FBXO40: variants seen among roughly 807,000 people sequenced by gnomAD.
FBXO40 encodes F-box protein 40.
FBXO40 carries 50 observed loss-of-function variants against 49.9 expected under a neutral mutation model. The observed-to-expected ratio is 1.00, with a 90% CI of 0.80 to 1.27. The LOEUF (loss-of-function observed/expected upper bound fraction) is 1.27. Among genes scored for constraint, FBXO40 ranks in the 50% most tolerant of loss-of-function variants. The pLI is 0.00. For missense variants in FBXO40, 895 were observed against 870.1 expected (o/e 1.03, Z -0.36); for synonymous variants, 340 against 320.2 (o/e 1.06, Z -0.66).
chr3:121,620,609 C>T lies in FBXO40; in HGVS notation c.3+31C>T, dbSNP rs763579365. On this transcript the variant is annotated intron_variant, in intron 2 of 3. Coordinates refer to ENST00000338040, the MANE Select transcript of FBXO40 (RefSeq NM_016298.4). ...CACCAGGAGCTTATTGAAGCTTCAC[C>T]ATTGAGAGGTCCAGGTCTTCCTTCA... The T allele has an allele frequency of 1.2e-5, 19 of 1,613,892 alleles. No individual in the cohort carries two copies. In the African/African-American group the frequency reaches 2.1e-4, roughly 18 times the overall value.
chr3:121,622,872 A>T lies in FBXO40; in HGVS notation c.1443A>T (p.Lys481Asn). ...SSSAFTFTCN[K>N]FFRRDEFPLH... Reference sequence around the variant, plus strand: ...CTGCCTTCACTTTCACTTGCAACAAATTCTTCAGGAGGGATGAGTTCCCCC... The same window carrying T: ...CTGCCTTCACTTTCACTTGCAACAATTTCTTCAGGAGGGATGAGTTCCCCC... Residue 481 changes from lysine (K) to asparagine (N), a missense_variant, in exon 3 of 4, where the codon AAA (lysine) becomes AAT (asparagine). Transcript: ENST00000338040. The T allele has an allele frequency of 6.2e-7, 1 of 1,614,164 alleles. No individual in the cohort carries two copies. The highest frequency in any genetic ancestry group is 8.5e-7 in the Non-Finnish European group (1 of 1,180,032).
Position 121,622,901 on chromosome 3 carries a change from A to C in FBXO40, c.1472A>C (p.His491Pro). ...TTCAGGAGGGATGAGTTCCCCCTGC[A>C]CTTCAAGAATGTCCACACAGACATT... ...KFFRRDEFPL[H>P]FKNVHTDIQS... Residue 491 changes from histidine (H) to proline (P), a missense_variant, in exon 3 of 4, where the codon CAC becomes CCC. Transcript: ENST00000338040. 6.2e-7 allele frequency: 1 copy of C among 1,614,190 alleles called. No homozygotes were observed. Among genetic ancestry groups the C allele is most frequent in the Non-Finnish European group, 8.5e-7 (1 of 1,180,034 alleles).
chr3:121,614,244 C>G (rs532420236), intron 1 of FBXO40, among the ~76,000 whole-genome samples: 2 of 135,498 alleles, frequency 1.5e-5, no homozygotes, highest in South Asian at 4.5e-4. Flanking sequence ...TCCTTCTAGC[C>G]TGGTGACAGA....
intron 1 of FBXO40, among the ~76,000 whole-genome samples, chr3:121,597,020 C>G (rs975658766): frequency 5.3e-5 from 8 of 152,092 alleles, no homozygotes; most frequent in Admixed American, 3.9e-4. Context: ...TGTTGATATT[C>G]CGGTCAGACC....
intron 1 of FBXO40, among the ~76,000 whole-genome samples, chr3:121,595,579 A>G (rs950142710): frequency 6.6e-6 from 1 of 152,200 alleles, no homozygotes; most frequent in Non-Finnish European, 1.5e-5. Context: ...AGTGGAATGG[A>G]TCTGGGAGAG....
chr3:121,617,693 TG>T (rs777904091), intron 1 of FBXO40, among the ~76,000 whole-genome samples: 4 of 151,648 alleles, frequency 2.6e-5, no homozygotes, highest in Non-Finnish European at 4.4e-5. Context: ...AATAATTTAT[TG>T]TATATCTCAA....
rs749510221 is a variant in FBXO40 at position 121,622,667 on chromosome 3, T to A, written c.1238T>A (p.Ile413Asn). 1.9e-6 allele frequency: 3 copies of A among 1,614,186 alleles called. No individual in the cohort carries two copies. The highest frequency in any genetic ancestry group is 2.5e-6 in the Non-Finnish European group (3 of 1,180,038). Residue 413 changes from isoleucine (I) to asparagine (N), a missense_variant, in exon 3 of 4, where the codon ATC becomes AAC. Transcript: ENST00000338040. ...GAAAGAGAACTCAAAGGCCACGTCA[T>A]CTCTGAATCCAGAAGCATTGATGGA... ...ALERELKGHV[I>N]SESRSIDGLF... is the part of the protein sequence containing the mutation.
intron 1 of FBXO40, among the ~76,000 whole-genome samples, chr3:121,608,187 A>G (rs376789620): frequency 6.6e-6 from 1 of 152,246 alleles, no homozygotes; most frequent in African/African-American, 2.4e-5. Context: ...TGTGCTCTGC[A>G]ATGAATTACA....
chr3:121,606,332 G>C (rs770877204), intron 1 of FBXO40, among the ~76,000 whole-genome samples: 8 of 152,162 alleles, frequency 5.3e-5, no homozygotes, highest in Non-Finnish European at 1.2e-4. Flanking sequence ...GTAGCTTGTG[G>C]GGCTCCATAA....
intron 1 of FBXO40, among the ~76,000 whole-genome samples, chr3:121,594,007 A>G (rs907840901): frequency 1.3e-5 from 2 of 152,046 alleles, no homozygotes; most frequent in African/African-American, 4.8e-5. Context: ...CTGAGACTAC[A>G]GGCACATGCC....
chr3:121,600,497 G>T (rs951923148), intron 1 of FBXO40, among the ~76,000 whole-genome samples: 9 of 152,140 alleles, frequency 5.9e-5, no homozygotes. Context: ...ATCGCCATAA[G>T]GAAGGAGGGG....
chr3:121,617,320 G>GC (rs1445475770), intron 1 of FBXO40, among the ~76,000 whole-genome samples: 2 of 152,130 alleles, frequency 1.3e-5, no homozygotes, highest in Non-Finnish European at 2.9e-5. Flanking sequence ...TTTGGGCCGG[G>GC]CACAGTGGCT....
At chr3:121,603,374 A>G (rs1258067516) in intron 1 of FBXO40, among the ~76,000 whole-genome samples, 1 of 152,250 alleles carries the variant, frequency 6.6e-6, no homozygotes, top group African/African-American at 2.4e-5. Flanking sequence ...GAAACTATAA[A>G]GAGGTAAATT....
chr3:121,624,504 C>G (rs1385676074), intron 3 of FBXO40, among the ~76,000 whole-genome samples: 1 of 152,186 alleles, frequency 6.6e-6, no homozygotes, highest in Non-Finnish European at 1.5e-5. Flanking sequence ...CCCTGTCTGT[C>G]CCCCAGGAGG....
Position 121,622,932 on chromosome 3 carries a change from A to G in FBXO40, c.1503A>G (p.Ser501=), listed in dbSNP as rs752093992. The change falls in exon 3 of 4, where the codon TCA becomes TCG. Residue 501 remains serine (S), a synonymous_variant. Transcript: ENST00000338040. ...AGAATGTCCACACAGACATTCAGTC[A>G]TGTCTCAATGGCTGGTTCCAGCATC... is the stretch of plus-strand genomic sequence containing the variant. ...HFKNVHTDIQ[S]CLNGWFQHRC... is the part of the protein sequence containing the mutation. 2 of 1,614,190 alleles carry G rather than the reference A, an allele frequency of 1.2e-6. No homozygotes were observed. Among genetic ancestry groups the G allele is most frequent in the Non-Finnish European group, 1.7e-6 (2 of 1,180,032 alleles).
chr3:121,620,095 A>G (rs1415739340), intron 1 of FBXO40, among the ~76,000 whole-genome samples: 2 of 152,248 alleles, frequency 1.3e-5, no homozygotes, highest in Non-Finnish European at 2.9e-5. Flanking sequence ...TGCCCCAGAC[A>G]AAGTTAGATC....
chr3:121,593,990 C>T (rs2048856662), intron 1 of FBXO40, among the ~76,000 whole-genome samples: 3 of 151,504 alleles, frequency 2.0e-5, no homozygotes, highest in South Asian at 2.1e-4. Context: ...CTCAGCCTTC[C>T]GAGTAGCTGA....
chr3:121,622,947 G>A lies in FBXO40; in HGVS notation c.1518G>A (p.Trp506Ter), dbSNP rs1448891028. 2 of 1,614,198 alleles carry A rather than the reference G, an allele frequency of 1.2e-6. No individual in the cohort carries two copies. Among genetic ancestry groups the A allele is most frequent in the Non-Finnish European group, 1.7e-6 (2 of 1,180,046 alleles). The change falls in exon 3 of 4, where the codon TGG (tryptophan) becomes TGA (stop). Residue 506 changes from tryptophan (W) to a stop codon, truncating the protein, a stop_gained. Transcript: ENST00000338040. LOFTEE classifies it high-confidence loss of function. ...ACATTCAGTCATGTCTCAATGGCTG[G>A]TTCCAGCATCGATGCCCCCTCGCCT... ...HTDIQSCLNG[W>*]FQHRCPLAYL...
chr3:121,626,792 T>C lies in FBXO40; in HGVS notation c.2012T>C (p.Ile671Thr), dbSNP rs1309415707. The change falls in exon 4 of 4, where the codon ATT becomes ACT. Residue 671 changes from isoleucine to threonine, a missense_variant. Physicochemically the swap from Ile to Thr is moderately conservative, Grantham distance 89. Transcript: ENST00000338040. ...CACCTGAAGTCCTGTCCTTTCAACATTGTAGAGCACAAAACTGACCCGATT... is the reference window on the plus strand; with the variant it reads ...CACCTGAAGTCCTGTCCTTTCAACACTGTAGAGCACAAAACTGACCCGATT... ...SEHLKSCPFN[I>T]VEHKTDPILL... is the part of the protein sequence containing the mutation. 5 of 1,614,070 alleles carry C rather than the reference T, an allele frequency of 3.1e-6. No homozygotes were observed. The highest frequency in any genetic ancestry group is 1.6e-4 in the Middle Eastern group (1 of 6,084).
Sources: gnomAD v4.1 joint callset for allele counts (sites outside exome capture counted in the v4.1 genomes callset) on GRCh38, gnomAD v4.1.1 for gene constraint, MANE v1.5 for transcripts, NCBI Gene and HGNC (gene_info 2026-07-23, HGNC 2026-07-21) for gene names.